Variants in EYS observed in about 807,000 individuals in gnomAD.
EYS encodes the protein protein eyes shut homolog.
In EYS, 250 loss-of-function variants were observed where a neutral mutation model predicts 282.1. That is an observed-to-expected ratio of 0.89 (90% confidence interval 0.80 to 0.98). The LOEUF (loss-of-function observed/expected upper bound fraction) is 0.98, where lower values mean the gene tolerates loss of function less well. Ranked by LOEUF, EYS falls within the 50% of genes least tolerant of loss-of-function variation. The pLI, the probability that EYS is intolerant of heterozygous loss-of-function variation, is 0.00. For synonymous variants in EYS, 1,355 were observed against 1,282.9 expected (o/e 1.06, Z -1.20); for missense variants, 4,016 against 3,709.0 (o/e 1.08, Z -2.15).
At chr6:63,798,983 G>GTGTATATATATATATATATGTATA (rs1317423011) in intron 37 of EYS, among the ~76,000 whole-genome samples, 1 of 102,032 alleles carries the variant, frequency 9.8e-6, no homozygotes, top group Non-Finnish European at 1.9e-5. Flanking sequence ...ATATGTATAT[G>GTGTATATATATATATATATGTATA]TGTGTATATA....
rs75051719 is a variant in EYS at position 64,875,442 on chromosome 6, T to A, written c.2992+11255A>T. On this transcript the variant is annotated intron_variant, in intron 19 of 42. Coordinates refer to ENST00000503581, the MANE Select transcript of EYS (RefSeq NM_001142800.2). ...GGTGCTCCGGGCTATATCTTCTTCC[T>A]TGTCCAGCCTCTGATATCAGTTGCA... is the stretch of plus-strand genomic sequence containing the variant. 4.2e-3 allele frequency among the ~76,000 whole-genome samples: 642 copies of A among 152,206 alleles called. 2 individuals carry two copies. Among genetic ancestry groups the A allele is most frequent in the African/African-American group, 0.015 (608 of 41,556 alleles).
chr6:64,395,931 C>G (rs1310481381), intron 28 of EYS, among the ~76,000 whole-genome samples: 2 of 151,718 alleles, frequency 1.3e-5, no homozygotes, highest in Non-Finnish European at 2.9e-5. Flanking sequence ...TTATGGCATA[C>G]ATAATAAAGA....
At chr6:63,809,387 A>G (rs1010179666) in intron 36 of EYS, among the ~76,000 whole-genome samples, 1 of 152,244 alleles carries the variant, frequency 6.6e-6, no homozygotes, top group African/African-American at 2.4e-5. Flanking sequence ...TGGAAGGATC[A>G]GTCATCATCT....
chr6:64,745,968 G>T (rs1228384506), intron 22 of EYS, among the ~76,000 whole-genome samples: 1 of 152,052 alleles, frequency 6.6e-6, no homozygotes, highest in Non-Finnish European at 1.5e-5. Flanking sequence ...AGGCTAGAGT[G>T]TACCTTAGGG....
chr6:64,202,766 G>A (rs905231899), intron 31 of EYS, among the ~76,000 whole-genome samples: 1 of 152,174 alleles, frequency 6.6e-6, no homozygotes, highest in African/African-American at 2.4e-5. Flanking sequence ...GGAAAGAGAA[G>A]GGGAAAGGAT....
At chr6:64,502,147 G>C (rs774150926) in intron 26 of EYS, among the ~76,000 whole-genome samples, 32 of 152,256 alleles carry the variant, frequency 2.1e-4, no homozygotes, top group Non-Finnish European at 3.2e-4. Flanking sequence ...CTCCCTTATA[G>C]TGAGGGTGGG....
chr6:64,061,381 CTATG>C (rs1305403661), intron 33 of EYS, among the ~76,000 whole-genome samples: 15 of 152,208 alleles, frequency 9.9e-5, no homozygotes, highest in Non-Finnish European at 1.8e-4. Flanking sequence ...ATAGCTCTCT[CTATG>C]TGATCCCTTT....
chr6:63,829,637 C>G (rs770465233), intron 36 of EYS, among the ~76,000 whole-genome samples: 1 of 152,216 alleles, frequency 6.6e-6, no homozygotes, highest in Non-Finnish European at 1.5e-5. Context: ...CTTCTGGGGG[C>G]AGGGCATAGC....
chr6:64,949,737 G>A (rs1353941165), intron 14 of EYS, among the ~76,000 whole-genome samples: 5 of 151,812 alleles, frequency 3.3e-5, no homozygotes, highest in Non-Finnish European at 5.9e-5. Flanking sequence ...TGGGAATCTC[G>A]AGGATCATCT....
chr6:64,794,376 G>A (rs1318712651), intron 22 of EYS, among the ~76,000 whole-genome samples: 1 of 152,078 alleles, frequency 6.6e-6, no homozygotes, highest in Non-Finnish European at 1.5e-5. Flanking sequence ...TTGGTGGGAG[G>A]TGACTGAATC....
chr6:65,431,718 T>G (rs1020649889), intron 5 of EYS, among the ~76,000 whole-genome samples: 1 of 152,078 alleles, frequency 6.6e-6, no homozygotes, highest in Non-Finnish European at 1.5e-5. Context: ...TGTCACATTA[T>G]CTCTAAATTT....
intron 26 of EYS, among the ~76,000 whole-genome samples, chr6:64,516,778 T>C (rs1364952065): frequency 6.6e-6 from 1 of 151,862 alleles, no homozygotes; most frequent in Non-Finnish European, 1.5e-5. Context: ...TTTTTTTCTA[T>C]GAACTATTTA....
At chr6:64,201,324 A>G (rs1765455535) in intron 31 of EYS, among the ~76,000 whole-genome samples, 1 of 152,122 alleles carries the variant, frequency 6.6e-6, no homozygotes, top group Non-Finnish European at 1.5e-5. Context: ...AGATATTTTT[A>G]TGAGCTTTTC....
At chr6:65,537,636 A>C (rs2210338) in intron 2 of EYS, among the ~76,000 whole-genome samples, 69,009 of 151,880 alleles carry the variant, frequency 0.45, 16,120 homozygotes, top group Admixed American at 0.57. Context: ...TCATTTCAAA[A>C]GAAAACAGAA....
intron 8 of EYS, among the ~76,000 whole-genome samples, chr6:65,373,948 G>A (rs1248095971): frequency 3.9e-5 from 6 of 152,096 alleles, no homozygotes; most frequent in African/African-American, 9.7e-5. Flanking sequence ...TGAACATACT[G>A]TCTCAATTTT....
intron 33 of EYS, among the ~76,000 whole-genome samples, chr6:64,032,499 G>T (rs544237113): frequency 6.6e-6 from 1 of 152,188 alleles, no homozygotes; most frequent in Non-Finnish European, 1.5e-5. Flanking sequence ...CAAACTGAGC[G>T]TCCTACAATT....
At chr6:65,625,119 G>C (rs918737050) in intron 2 of EYS, among the ~76,000 whole-genome samples, 1 of 152,132 alleles carries the variant, frequency 6.6e-6, no homozygotes, top group African/African-American at 2.4e-5. Context: ...GCTGCCTCTA[G>C]AGGCTGAGAA....
At chr6:64,924,197 G>A (rs1241551207) in intron 15 of EYS, among the ~76,000 whole-genome samples, 2 of 152,176 alleles carry the variant, frequency 1.3e-5, no homozygotes, top group Non-Finnish European at 2.9e-5. Context: ...GCCCCCAGAG[G>A]CTCACCACCA....
chr6:65,165,345 G>A (rs1401669461), intron 12 of EYS, among the ~76,000 whole-genome samples: 1 of 147,284 alleles, frequency 6.8e-6, no homozygotes, highest in African/African-American at 2.5e-5. Context: ...ATTATCTCCT[G>A]TTTGCTCAAA....
Sources: gnomAD v4.1 joint callset for allele counts (sites outside exome capture counted in the v4.1 genomes callset) on GRCh38, gnomAD v4.1.1 for gene constraint, MANE v1.5 for transcripts, NCBI Gene and HGNC (gene_info 2026-07-23, HGNC 2026-07-21) for gene names.